Variants in CSMD1 observed in about 807,000 individuals in gnomAD.
The protein encoded by CSMD1 is CUB and sushi domain-containing protein 1.
A neutral mutation model predicts 417.5 loss-of-function variants in CSMD1; 213 were observed. The observed-to-expected ratio is 0.51, with a 90% CI of 0.46 to 0.57. CSMD1 has a LOEUF of 0.57. Among genes scored for constraint, CSMD1 ranks in the 20% least tolerant of loss-of-function variants. CSMD1 has a pLI of 0.00. For synonymous variants in CSMD1, 2,862 were observed against 1,736.8 expected (o/e 1.65, Z -16.11); for missense variants, 6,923 against 4,529.7 (o/e 1.53, Z -15.17).
intron 5 of CSMD1, among the ~76,000 whole-genome samples, chr8:3,813,958 C>T (rs917064615): frequency 3.3e-5 from 5 of 152,112 alleles, no homozygotes; most frequent in African/African-American, 9.7e-5. Flanking sequence ...AAATGTAAGA[C>T]CCTGAAATAT....
At chr8:3,665,105 A>G (rs1245211493) in intron 7 of CSMD1, among the ~76,000 whole-genome samples, 7 of 152,216 alleles carry the variant, frequency 4.6e-5, no homozygotes, top group Non-Finnish European at 7.3e-5. Flanking sequence ...AACAATGCTT[A>G]TAATAAGAAA....
chr8:4,678,696 A>C (rs1031602753), intron 1 of CSMD1, among the ~76,000 whole-genome samples: 9 of 152,190 alleles, frequency 5.9e-5, no homozygotes, highest in Non-Finnish European at 1.2e-4. Context: ...CAAATAAGAT[A>C]AAAATGTCTT....
chr8:4,411,365 T>TA (rs532888414), intron 3 of CSMD1, among the ~76,000 whole-genome samples: 31 of 151,234 alleles, frequency 2.0e-4, no homozygotes, highest in South Asian at 8.3e-4. Flanking sequence ...TTTCTTACAT[T>TA]AAAAAAAAAT....
intron 5 of CSMD1, among the ~76,000 whole-genome samples, chr8:3,892,581 G>A (rs1005502706): frequency 1.4e-4 from 21 of 151,814 alleles, no homozygotes; most frequent in African/African-American, 5.1e-4. Context: ...AGTAAAACCA[G>A]TTAAATCTGT....
chr8:3,359,239 G>A lies in CSMD1; in HGVS notation c.3217C>T (p.Leu1073=), dbSNP rs778700999. 7 of 1,613,678 alleles carry A rather than the reference G, an allele frequency of 4.3e-6. No individual in the cohort carries two copies. The Admixed American group carries it at 6.7e-5, about 15-fold the overall frequency. ...VGDSLTFSCF[L]GYRLEGATKL... ...GTGGCACCTTCTAAACGATATCCCAGGAAGCAGGAAAACGTCAGAGAGTCT... is the reference window on the plus strand; with the variant it reads ...GTGGCACCTTCTAAACGATATCCCAAGAAGCAGGAAAACGTCAGAGAGTCT... The change falls in exon 21 of 70, where the codon CTG becomes TTG. Residue 1073 remains leucine (L), a synonymous_variant. Transcript: ENST00000635120.
intron 1 of CSMD1, among the ~76,000 whole-genome samples, chr8:4,978,017 T>C (rs1224789338): frequency 1.3e-5 from 2 of 152,158 alleles, no homozygotes; most frequent in South Asian, 2.1e-4. Flanking sequence ...CCACAATCGA[T>C]GTGAGAGAGA....
rs75076486 is a variant in CSMD1 at position 3,739,541 on chromosome 8, T to C, written c.931+14389A>G. Among the ~76,000 whole-genome samples, 6 of 152,152 alleles carry C rather than the reference T, an allele frequency of 3.9e-5. No individual in the cohort carries two copies. In the East Asian group the frequency reaches 7.7e-4, roughly 20 times the overall value. ...AATATGTATAATTATTACACGTCAA[T>C]TGAAAAAAAGGGAAAACTGATTAAA... On this transcript the variant is annotated intron_variant, in intron 6 of 69. Coordinates refer to ENST00000635120, the MANE Select transcript of CSMD1 (RefSeq NM_033225.6).
chr8:3,890,305 A>T (rs1447279894), intron 5 of CSMD1, among the ~76,000 whole-genome samples: 1 of 152,162 alleles, frequency 6.6e-6, no homozygotes, highest in Non-Finnish European at 1.5e-5. Flanking sequence ...AAAAATATTA[A>T]TATTAATGGA....
At chr8:3,343,838 T>TC (rs1410067454) in intron 22 of CSMD1, among the ~76,000 whole-genome samples, 4 of 152,308 alleles carry the variant, frequency 2.6e-5, no homozygotes, top group African/African-American at 7.2e-5. Context: ...CTTGAATATC[T>TC]CCTCTGAACT....
chr8:3,775,844 G>T lies in CSMD1; in HGVS notation c.819-21802C>A, dbSNP rs552166338. On this transcript the variant is annotated intron_variant, in intron 5 of 69. Coordinates refer to ENST00000635120, the MANE Select transcript of CSMD1 (RefSeq NM_033225.6). Reference sequence around the variant, plus strand: ...TTGCTTTCCGCCAACGCGCAGGGTTGTTACTGACCTAGGATGGGTCCTGAG... The same window carrying T: ...TTGCTTTCCGCCAACGCGCAGGGTTTTTACTGACCTAGGATGGGTCCTGAG... Among the ~76,000 whole-genome samples, 63 of 152,322 alleles carry T rather than the reference G, an allele frequency of 4.1e-4. No individual in the cohort carries two copies. The South Asian group carries it at 4.6e-3, about 11-fold the overall frequency.
chr8:4,022,964 G>T (rs547156083), intron 4 of CSMD1, among the ~76,000 whole-genome samples: 1 of 152,150 alleles, frequency 6.6e-6, no homozygotes, highest in Non-Finnish European at 1.5e-5. Context: ...AAATTTGAGG[G>T]CAAATAAATA....
At chr8:3,272,752 G>C (rs962171299) in intron 26 of CSMD1, among the ~76,000 whole-genome samples, 6 of 148,496 alleles carry the variant, frequency 4.0e-5, no homozygotes, top group Non-Finnish European at 8.9e-5. Flanking sequence ...TGGTGTATAA[G>C]AATGCTTGTG....
At chr8:4,801,542 A>T (rs767129972) in intron 1 of CSMD1, among the ~76,000 whole-genome samples, 1 of 152,218 alleles carries the variant, frequency 6.6e-6, no homozygotes, top group Non-Finnish European at 1.5e-5. Context: ...AATTAGAAAC[A>T]AATCTTTTCT....
chr8:4,432,086 A>C (rs1352292105), intron 2 of CSMD1, among the ~76,000 whole-genome samples: 1 of 152,244 alleles, frequency 6.6e-6, no homozygotes. Context: ...TAGAATACAG[A>C]AATATTGGCT....
At chr8:4,522,441 C>G (rs908844581) in intron 2 of CSMD1, among the ~76,000 whole-genome samples, 2 of 152,120 alleles carry the variant, frequency 1.3e-5, no homozygotes, top group African/African-American at 4.8e-5. Context: ...AAATCTCACC[C>G]ACAATCAGAT....
intron 12 of CSMD1, among the ~76,000 whole-genome samples, chr8:3,444,067 C>G (rs1259735750): frequency 5.3e-5 from 8 of 152,022 alleles, no homozygotes; most frequent in Non-Finnish European, 1.2e-4. Flanking sequence ...TCTCTTTGTT[C>G]TATACACACA....
At chr8:4,147,846 G>C (rs947923373) in intron 3 of CSMD1, among the ~76,000 whole-genome samples, 1 of 152,088 alleles carries the variant, frequency 6.6e-6, no homozygotes, top group African/African-American at 2.4e-5. Flanking sequence ...GACTTCTCTG[G>C]TCTGGAAATG....
intron 3 of CSMD1, among the ~76,000 whole-genome samples, chr8:4,115,952 G>A (rs546375106): frequency 6.6e-6 from 1 of 150,608 alleles, no homozygotes; most frequent in African/African-American, 2.5e-5. Flanking sequence ...CAAGAAAACA[G>A]GGTTTTCATT....
intron 5 of CSMD1, among the ~76,000 whole-genome samples, chr8:3,809,054 C>G (rs915516206): frequency 6.6e-6 from 1 of 152,278 alleles, no homozygotes; most frequent in Middle Eastern, 3.4e-3. Flanking sequence ...AGCTTTCCAA[C>G]AGCCCCTGGG....
Sources: allele counts gnomAD v4.1 joint callset (sites outside exome capture counted in the v4.1 genomes callset), GRCh38; gene constraint gnomAD v4.1.1; transcripts MANE v1.5; gene names NCBI Gene and HGNC (gene_info 2026-07-23, HGNC 2026-07-21).